Variants in SH3KBP1 observed in about 807,000 individuals in gnomAD.
SH3KBP1 encodes SH3 domain-containing kinase-binding protein 1.
Under a neutral mutation model 50.1 loss-of-function variants are expected in SH3KBP1, and 8 were observed. The ratio of observed to expected loss-of-function variants is 0.16; its 90% CI spans 0.09 to 0.29. The LOEUF (loss-of-function observed/expected upper bound fraction) is 0.29, where lower values mean the gene tolerates loss of function less well. Among genes scored for constraint, SH3KBP1 ranks in the 10% least tolerant of loss-of-function variants. The probability of loss-of-function intolerance (pLI) is 1.00; values close to 1 mark genes in which losing one functional copy is unlikely to be tolerated. For missense variants in SH3KBP1, 377 were observed against 535.2 expected (o/e 0.70, Z 2.92); for synonymous variants, 227 against 218.6 (o/e 1.04, Z -0.34).
At chrX:19,858,391 C>T (rs759837702) in intron 1 of SH3KBP1, among the ~76,000 whole-genome samples, 1 of 110,459 alleles carries the variant, frequency 9.1e-6, no homozygotes, top group Non-Finnish European at 1.9e-5. Flanking sequence ...GAGGACAAGG[C>T]AGGAGGATCA....
chrX:19,644,147 T>C (rs192459186), intron 7 of SH3KBP1, among the ~76,000 whole-genome samples: 29 of 111,345 alleles, frequency 2.6e-4, no homozygotes, highest in Admixed American at 2.5e-3. Flanking sequence ...AAGCCCCTCT[T>C]GGACCCCAGA....
chrX:19,761,175 A>AG (rs1189832063), intron 2 of SH3KBP1, among the ~76,000 whole-genome samples: 1 of 37,105 alleles, frequency 2.7e-5, no homozygotes, highest in South Asian at 3.3e-3. Context: ...GGGGGAGGGG[A>AG]GGGGGGAGAA....
chrX:19,565,431 T>G (rs983473634), intron 13 of SH3KBP1, among the ~76,000 whole-genome samples: 1 of 111,664 alleles, frequency 9.0e-6, no homozygotes, highest in Non-Finnish European at 1.9e-5. Context: ...TCCCTGTTCC[T>G]TCACTGTAAA....
At chrX:19,803,561 C>T (rs1273459115) in intron 2 of SH3KBP1, among the ~76,000 whole-genome samples, 3 of 111,256 alleles carry the variant, frequency 2.7e-5, no homozygotes, top group African/African-American at 9.8e-5. Context: ...AAGTCACACA[C>T]GCAACACTGG....
At chrX:19,577,704 C>G (rs1419188013) in intron 12 of SH3KBP1, among the ~76,000 whole-genome samples, 1 of 108,810 alleles carries the variant, frequency 9.2e-6, no homozygotes, top group Non-Finnish European at 1.9e-5. Context: ...AGCAAACAAA[C>G]AAGTAAATTA....
intron 12 of SH3KBP1, among the ~76,000 whole-genome samples, chrX:19,569,730 G>A (rs1293949568): frequency 9.0e-6 from 1 of 111,617 alleles, no homozygotes; most frequent in South Asian, 3.8e-4. Flanking sequence ...AACATTAGAC[G>A]GCTCCTGGAT....
Position 19,599,237 on chromosome X carries a change from A to G in SH3KBP1, c.1006-4237T>C, listed in dbSNP as rs1008139720. On this transcript the variant is annotated intron_variant, in intron 9 of 17. Transcript: ENST00000397821. ...CCTTGCCTCAAACCACAGGGCCCCA[A>G]ATTTAAAAACGACAATTACAAGTCA... is the stretch of plus-strand genomic sequence containing the variant. Among the ~76,000 whole-genome samples the G allele has an allele frequency of 1.3e-4, 14 of 111,263 alleles. No homozygotes were observed. In the Admixed American group the frequency reaches 1.3e-3, roughly 11 times the overall value.
At chrX:19,792,202 T>C (rs946693149) in intron 2 of SH3KBP1, among the ~76,000 whole-genome samples, 3 of 112,108 alleles carry the variant, frequency 2.7e-5, no homozygotes, top group Non-Finnish European at 5.6e-5. Flanking sequence ...TAACTCTGTA[T>C]CATAGATATG....
At chrX:19,873,273 CAT>C (rs767661962) in intron 1 of SH3KBP1, among the ~76,000 whole-genome samples, 255 of 78,537 alleles carry the variant, frequency 3.2e-3, no homozygotes, top group African/African-American at 5.7e-3. Context: ...AAAACAAGGA[CAT>C]ATATATATAT....
chrX:19,542,236 G>T lies in SH3KBP1; in HGVS notation c.1624-43C>A, dbSNP rs760350464. ...AGGGAGGGTTCAGGGCCGGGGATTT[G>T]TGTGCTGCGTCTTTGTCCTGGTTAG... is the stretch of plus-strand genomic sequence containing the variant. On this transcript the variant is annotated intron_variant, in intron 15 of 17. Transcript: ENST00000397821. The T allele has an allele frequency of 3.6e-6, 4 of 1,116,090 alleles. No homozygotes were observed. In the East Asian group the frequency reaches 9.2e-5, roughly 26 times the overall value. The allele number at this position is 1,116,090 out of a possible 1,213,427, so 92.0% of individuals were successfully genotyped here. A position where few individuals can be genotyped will look rare whatever the true frequency, so the allele number is the denominator to read the frequency against.
chrX:19,651,904 T>G (rs1396889211), intron 6 of SH3KBP1, among the ~76,000 whole-genome samples: 1 of 112,225 alleles, frequency 8.9e-6, no homozygotes, highest in Non-Finnish European at 1.9e-5. Context: ...TAACTACCTT[T>G]CTTGCCCTTT....
rs1299713151 is a variant in SH3KBP1, at chrX:19,541,329, G to A, written c.1892+596C>T. Among the ~76,000 whole-genome samples, 3 of 111,967 alleles carry A rather than the reference G, an allele frequency of 2.7e-5. No individual in the cohort carries two copies. In the East Asian group the frequency reaches 8.5e-4, roughly 32 times the overall value. ...CTTTCTCCTCAACAAAGTGCTCCCTGAGGATTAGAGATGTGGCGAGAGTGT... is the reference window on the plus strand; with the variant it reads ...CTTTCTCCTCAACAAAGTGCTCCCTAAGGATTAGAGATGTGGCGAGAGTGT... On this transcript the variant is annotated intron_variant, in intron 16 of 17. Coordinates refer to ENST00000397821, the MANE Select transcript of SH3KBP1 (RefSeq NM_031892.3).
chrX:19,833,269 C>T (rs1305024794), intron 2 of SH3KBP1, among the ~76,000 whole-genome samples: 2 of 95,275 alleles, frequency 2.1e-5, no homozygotes, highest in East Asian at 3.6e-4. Flanking sequence ...CCCAGGGTCC[C>T]CCTACCTCTT....
chrX:19,886,020 G>GA (rs984382888), intron 1 of SH3KBP1, among the ~76,000 whole-genome samples: 8 of 108,825 alleles, frequency 7.4e-5, no homozygotes, highest in South Asian at 3.9e-4. Flanking sequence ...ATACTGCTAC[G>GA]AAAAAAAAAG....
chrX:19,767,028 G>C (rs1024280562), intron 2 of SH3KBP1, among the ~76,000 whole-genome samples: 4 of 111,513 alleles, frequency 3.6e-5, no homozygotes, highest in African/African-American at 9.8e-5. Flanking sequence ...AATGAGAATA[G>C]TAGTATCTAA....
intron 2 of SH3KBP1, among the ~76,000 whole-genome samples, chrX:19,830,323 G>A (rs1201318245): frequency 9.5e-6 from 1 of 105,318 alleles, no homozygotes; most frequent in African/African-American, 3.6e-5. Flanking sequence ...GGTTATAGAG[G>A]TACGCACTTA....
chrX:19,541,984 C>G lies in SH3KBP1; in HGVS notation c.1833G>C (p.Glu611Asp), dbSNP rs1211416124. The G allele has an allele frequency of 2.2e-5, 27 of 1,210,227 alleles. No individual in the cohort carries two copies. The highest frequency in any genetic ancestry group is 4.4e-5 in the Admixed American group (2 of 45,850). The change falls in exon 16 of 18, where the codon GAG becomes GAC. Residue 611 changes from glutamate to aspartate, a missense_variant. Physicochemically the swap from Glu to Asp is conservative, Grantham distance 45. Transcript: ENST00000397821. Reference protein sequence around the residue: ...PAASSQAAVEELRTQVRELRS... With the variant: ...PAASSQAAVEDLRTQVRELRS... Reference sequence around the variant, plus strand: ...TCAGCTCGCGGACCTGTGTCCTTAGCTCCTCCACGGCCGCCTGGCTGCTGG... The same window carrying G: ...TCAGCTCGCGGACCTGTGTCCTTAGGTCCTCCACGGCCGCCTGGCTGCTGG...
At chrX:19,540,910 T>C (rs1695029988) in intron 16 of SH3KBP1, among the ~76,000 whole-genome samples, 1 of 110,935 alleles carries the variant, frequency 9.0e-6, no homozygotes, top group African/African-American at 3.3e-5. Context: ...CTCAGAGCAG[T>C]GCCTCCCTAC....
intron 2 of SH3KBP1, among the ~76,000 whole-genome samples, chrX:19,746,746 A>G (rs751463393): frequency 8.9e-6 from 1 of 111,850 alleles, no homozygotes; most frequent in South Asian, 3.7e-4. Context: ...TCTAAGTGAC[A>G]GCCTGTTCTT....
Sources: gnomAD v4.1 joint callset for allele counts (sites outside exome capture counted in the v4.1 genomes callset) on GRCh38, gnomAD v4.1.1 for gene constraint, MANE v1.5 for transcripts, NCBI Gene and HGNC (gene_info 2026-07-23, HGNC 2026-07-21) for gene names.